PAWR: variants seen among roughly 807,000 people sequenced by gnomAD.
PAWR encodes PRKC apoptosis WT1 regulator protein.
Under a neutral mutation model 32.0 loss-of-function variants are expected in PAWR, and 23 were observed. The ratio of observed to expected loss-of-function variants is 0.72; its 90% CI spans 0.52 to 1.02. The LOEUF is 1.02. Among genes scored for constraint, PAWR ranks in the 50% least tolerant of loss-of-function variants. PAWR has a pLI of 0.00. For missense variants in PAWR, 457 were observed against 437.7 expected, an observed-to-expected ratio of 1.04 and a Z score of -0.39; for synonymous variants, 226 against 187.1, an observed-to-expected ratio of 1.21 and a Z score of -1.70.
At chr12:79,604,491 T>C (rs1874090457) in intron 4 of PAWR, 4 of 1,127,886 alleles carry the variant, frequency 3.5e-6, no homozygotes, top group South Asian at 3.9e-5. Context: ...AAAATAGACA[T>C]TATAAAGCTT....
intron 2 of PAWR, among the ~76,000 whole-genome samples, chr12:79,641,159 A>AT (rs1199542650): frequency 6.6e-6 from 1 of 152,020 alleles, no homozygotes; most frequent in Admixed American, 6.5e-5. Flanking sequence ...GGCAATTGGT[A>AT]TTTTTTTTAA....
chr12:79,659,142 A>C (rs1877230629), intron 2 of PAWR, among the ~76,000 whole-genome samples: 1 of 152,012 alleles, frequency 6.6e-6, no homozygotes, highest in Admixed American at 6.6e-5. Flanking sequence ...CTAAAAGTAC[A>C]AAAAACGAGC....
chr12:79,676,126 T>C lies in PAWR; in HGVS notation c.516+13603A>G, dbSNP rs1487567989. Among the ~76,000 whole-genome samples the C allele has an allele frequency of 2.0e-5, 3 of 152,160 alleles. 1 individual carries two copies. In the South Asian group the frequency reaches 6.2e-4, roughly 32 times the overall value. ...CTCAATGCTTTGCTTTCCTCACCTG[T>C]AAAATAGAAATAATAATAATAATAG... On this transcript the variant is annotated intron_variant, in intron 2 of 6. Coordinates refer to ENST00000328827, the MANE Select transcript of PAWR (RefSeq NM_002583.4).
At chr12:79,628,153 T>A (rs984391588) in intron 2 of PAWR, among the ~76,000 whole-genome samples, 1 of 151,946 alleles carries the variant, frequency 6.6e-6, no homozygotes, top group Non-Finnish European at 1.5e-5. Flanking sequence ...ATTAAGAAAC[T>A]CTCTCAAAAC....
At chr12:79,637,827 A>C (rs1400763429) in intron 2 of PAWR, among the ~76,000 whole-genome samples, 4 of 152,176 alleles carry the variant, frequency 2.6e-5, no homozygotes, top group Non-Finnish European at 5.9e-5. Flanking sequence ...AGAAAAAAGA[A>C]AAATCATTCT....
chr12:79,650,547 CA>C (rs1027959714), intron 2 of PAWR, among the ~76,000 whole-genome samples: 17 of 152,060 alleles, frequency 1.1e-4, no homozygotes, highest in African/African-American at 4.1e-4. Context: ...CAGGAGTTGG[CA>C]AATGTTTTCT....
chr12:79,648,801 A>AT (rs1232406472), intron 2 of PAWR, among the ~76,000 whole-genome samples: 1 of 151,602 alleles, frequency 6.6e-6, no homozygotes, highest in Non-Finnish European at 1.5e-5. Flanking sequence ...TAGAAAAAAA[A>AT]AAATAAAAAA....
rs1873584898 is a variant in PAWR, at chr12:79,592,316, CGGCTGT to C, written c.*285_*290del. On this transcript the variant is annotated 3_prime_UTR_variant, in exon 7 of 7. Coordinates refer to ENST00000328827, the MANE Select transcript of PAWR (RefSeq NM_002583.4). Reference sequence around the variant, plus strand: ...ACTACCAAGATAAAATATATTCAAACGGCTGTGACTTTAAACCATGTATTAGTTGAA... The same window carrying C: ...ACTACCAAGATAAAATATATTCAAACGACTTTAAACCATGTATTAGTTGAA... The C allele has an allele frequency of 2.5e-5, 7 of 285,150 alleles. No individual in the cohort carries two copies. The South Asian group carries it at 3.3e-4, about 13-fold the overall frequency. 17.7% of individuals were successfully genotyped at this position (285,150 alleles called of 1,614,324 possible). A position where few individuals can be genotyped will look rare whatever the true frequency, so the allele number is the denominator to read the frequency against.
intron 3 of PAWR, among the ~76,000 whole-genome samples, chr12:79,616,367 A>C (rs539474596): frequency 6.6e-6 from 1 of 152,256 alleles, no homozygotes; most frequent in Admixed American, 6.5e-5. Flanking sequence ...CAAAATTGCT[A>C]AATGAGAGCA....
intron 3 of PAWR, among the ~76,000 whole-genome samples, chr12:79,614,050 G>A (rs1874608549): frequency 9.1e-6 from 1 of 109,770 alleles, no homozygotes; most frequent in Non-Finnish European, 1.8e-5. Context: ...CACTCTTGTT[G>A]CCCAGGCTAC....
At chr12:79,626,207 G>A (rs1875307990) in intron 2 of PAWR, among the ~76,000 whole-genome samples, 1 of 142,524 alleles carries the variant, frequency 7.0e-6, no homozygotes, top group Non-Finnish European at 1.5e-5. Flanking sequence ...TATATAAAAT[G>A]AAGAATTAAA....
At chr12:79,639,503 A>G (rs1223121806) in intron 2 of PAWR, among the ~76,000 whole-genome samples, 1 of 152,124 alleles carries the variant, frequency 6.6e-6, no homozygotes, top group Non-Finnish European at 1.5e-5. Flanking sequence ...TAGTGTCTGT[A>G]AAGTTCATCT....
chr12:79,663,596 A>G (rs1877452361), intron 2 of PAWR, among the ~76,000 whole-genome samples: 1 of 152,184 alleles, frequency 6.6e-6, no homozygotes, highest in South Asian at 2.1e-4. Context: ...CAGCTCTACT[A>G]AAAAATACAA....
intron 1 of PAWR, 148 bp from the exon 2 acceptor site, chr12:79,690,539 A>C: frequency 2.9e-6 from 1 of 347,854 alleles, no homozygotes; most frequent in Non-Finnish European, 5.1e-6. Context: ...CCACCCTGCA[A>C]AGTTTCTCCC....
chr12:79,683,929 G>T (rs958181313), intron 2 of PAWR, among the ~76,000 whole-genome samples: 1 of 152,002 alleles, frequency 6.6e-6, no homozygotes, highest in Non-Finnish European at 1.5e-5. Flanking sequence ...CTGTAAAGTG[G>T]GAAAGGCTGA....
At chr12:79,674,739 C>T (rs1878078579) in intron 2 of PAWR, among the ~76,000 whole-genome samples, 2 of 151,824 alleles carry the variant, frequency 1.3e-5, no homozygotes, top group Admixed American at 6.6e-5. Flanking sequence ...CATTAAAAAG[C>T]GGGCAAAGGA....
rs552975146 is a variant in PAWR, at chr12:79,657,405, A to G, written c.516+32324T>C. Among the ~76,000 whole-genome samples the G allele has an allele frequency of 1.6e-4, 24 of 152,002 alleles. No homozygotes were observed. The South Asian group carries it at 4.2e-3, about 26-fold the overall frequency. The stretch of plus-strand genomic sequence containing the variant: ...AAATGCAGTTTACTGTAGGTCACCT[A>G]CACTTCAATATATTTAAAAAAAAAA... On this transcript the variant is annotated intron_variant, in intron 2 of 6. Coordinates refer to ENST00000328827, the MANE Select transcript of PAWR (RefSeq NM_002583.4).
At chr12:79,672,458 T>A (rs1023302597) in intron 2 of PAWR, among the ~76,000 whole-genome samples, 3 of 152,130 alleles carry the variant, frequency 2.0e-5, no homozygotes, top group Non-Finnish European at 4.4e-5. Flanking sequence ...TTCTCCTACC[T>A]AGAACATTTT....
chr12:79,620,229 T>C (rs1181384476), intron 3 of PAWR, among the ~76,000 whole-genome samples: 2 of 151,906 alleles, frequency 1.3e-5, no homozygotes, highest in South Asian at 2.1e-4. Context: ...AATAAGAAAA[T>C]GAAAAATAAG....
Sources: gnomAD v4.1 joint callset for allele counts (sites outside exome capture counted in the v4.1 genomes callset) on GRCh38, gnomAD v4.1.1 for gene constraint, MANE v1.5 for transcripts, NCBI Gene and HGNC (gene_info 2026-07-23, HGNC 2026-07-21) for gene names.